Variants in PPP3CA observed in about 807,000 individuals in gnomAD.
PPP3CA encodes the protein protein phosphatase 3 catalytic subunit alpha.
In PPP3CA, 14 loss-of-function variants were observed where a neutral mutation model predicts 66.5. The ratio of observed to expected loss-of-function variants is 0.21; its 90% CI spans 0.14 to 0.33. The LOEUF is 0.33. PPP3CA is among the 10% of genes least tolerant of loss of function. The pLI, the probability that PPP3CA is intolerant of heterozygous loss-of-function variation, is 1.00. For synonymous variants in PPP3CA, 232 were observed against 226.2 expected, an observed-to-expected ratio of 1.03 and a Z score of -0.23; for missense variants, 317 against 639.5, an observed-to-expected ratio of 0.50 and a Z score of 5.44.
chr4:101,136,672 A>G (rs1004368623), intron 2 of PPP3CA, among the ~76,000 whole-genome samples: 1 of 151,850 alleles, frequency 6.6e-6, no homozygotes, highest in East Asian at 1.9e-4. Flanking sequence ...GCAAGAAAAT[A>G]TAACAGGCTT....
chr4:101,285,430 G>T (rs78052062), intron 1 of PPP3CA, among the ~76,000 whole-genome samples: 1,606 of 152,076 alleles, frequency 0.011, 27 homozygotes, highest in African/African-American at 0.037. Flanking sequence ...TATAACCCCT[G>T]TACATATCAA....
chr4:101,180,055 C>A (rs1007014221), intron 2 of PPP3CA, among the ~76,000 whole-genome samples: 3 of 152,082 alleles, frequency 2.0e-5, no homozygotes, highest in African/African-American at 7.2e-5. Context: ...TTAATGCACC[C>A]AAAGTTATAT....
intron 1 of PPP3CA, among the ~76,000 whole-genome samples, chr4:101,299,793 T>G (rs1183809438): frequency 2.0e-5 from 3 of 152,188 alleles, no homozygotes; most frequent in Non-Finnish European, 2.9e-5. Flanking sequence ...ATGTCTAACT[T>G]ATTTTCATCA....
rs550693326 is a variant in PPP3CA, at chr4:101,329,102, C to A, written c.58+17637G>T. 2.0e-5 allele frequency among the ~76,000 whole-genome samples: 3 copies of A among 152,204 alleles called. No homozygotes were observed. In the South Asian group the frequency reaches 6.2e-4, roughly 32 times the overall value. On this transcript the variant is annotated intron_variant, in intron 1 of 13. Coordinates refer to ENST00000394854, the MANE Select transcript of PPP3CA (RefSeq NM_000944.5). The stretch of plus-strand genomic sequence containing the variant: ...GGCATATCAAAAGTGGAGACAGGCC[C>A]AAAGCTAGGCCTCTTGCGCCAAACA...
intron 1 of PPP3CA, among the ~76,000 whole-genome samples, chr4:101,234,321 A>T (rs987815595): frequency 2.6e-5 from 4 of 151,814 alleles, no homozygotes; most frequent in African/African-American, 9.7e-5. Context: ...TGCTTTTCAC[A>T]ATAGCTGAAA....
intron 10 of PPP3CA, among the ~76,000 whole-genome samples, chr4:101,045,257 C>T (rs952085942): frequency 2.6e-5 from 4 of 152,138 alleles, no homozygotes; most frequent in Admixed American, 6.5e-5. Context: ...AACAATAGAC[C>T]GTGACAAATA....
At chr4:101,045,192 G>A (rs370782200) in intron 10 of PPP3CA, among the ~76,000 whole-genome samples, 1 of 152,206 alleles carries the variant, frequency 6.6e-6, no homozygotes, top group East Asian at 1.9e-4. Flanking sequence ...CCATGTGCTA[G>A]CAATAGAAAT....
At chr4:101,232,196 GGT>G (rs1473145011) in intron 1 of PPP3CA, among the ~76,000 whole-genome samples, 1 of 151,408 alleles carries the variant, frequency 6.6e-6, no homozygotes, top group African/African-American at 2.4e-5. Flanking sequence ...GGATACAGAG[GGT>G]AATTCCTAAA....
intron 1 of PPP3CA, among the ~76,000 whole-genome samples, chr4:101,207,595 G>A (rs1725173356): frequency 6.6e-6 from 1 of 152,214 alleles, no homozygotes; most frequent in Non-Finnish European, 1.5e-5. Flanking sequence ...GGGAGGCCGA[G>A]GTGGGCAGAT....
At chr4:101,269,014 T>A (rs1265540971) in intron 1 of PPP3CA, among the ~76,000 whole-genome samples, 1 of 152,174 alleles carries the variant, frequency 6.6e-6, no homozygotes, top group Non-Finnish European at 1.5e-5. Flanking sequence ...AATTCATTTA[T>A]CATGTCTAAT....
intron 2 of PPP3CA, among the ~76,000 whole-genome samples, chr4:101,129,975 C>A (rs577708902): frequency 5.9e-5 from 9 of 152,104 alleles, no homozygotes; most frequent in African/African-American, 1.7e-4. Context: ...CATGTTTTAA[C>A]CCAATGTAAG....
At chr4:101,299,256 T>C (rs963536176) in intron 1 of PPP3CA, among the ~76,000 whole-genome samples, 2 of 151,082 alleles carry the variant, frequency 1.3e-5, no homozygotes, top group Non-Finnish European at 3.0e-5. Context: ...TACAGCCCAT[T>C]AGAGTGTTCC....
chr4:101,345,039 G>C (rs553944016), intron 1 of PPP3CA, among the ~76,000 whole-genome samples: 20 of 152,116 alleles, frequency 1.3e-4, no homozygotes, highest in Admixed American at 7.9e-4. Context: ...AAATGTGAAT[G>C]GACTGTTTCC....
intron 1 of PPP3CA, among the ~76,000 whole-genome samples, chr4:101,222,041 A>C (rs1202281541): frequency 6.6e-6 from 1 of 151,564 alleles, no homozygotes; most frequent in Non-Finnish European, 1.5e-5. Context: ...TTTTCTTATT[A>C]CTTCTCATAA....
intron 1 of PPP3CA, among the ~76,000 whole-genome samples, chr4:101,291,521 T>C (rs760876732): frequency 4.6e-5 from 7 of 152,208 alleles, no homozygotes; most frequent in African/African-American, 1.2e-4. Context: ...CATATCTCCA[T>C]TGCTTTCACA....
Position 101,088,088 on chromosome 4 carries a change from T to C in PPP3CA, c.783-4825A>G, listed in dbSNP as rs534359184. Among the ~76,000 whole-genome samples the C allele has an allele frequency of 7.9e-5, 12 of 152,312 alleles. No homozygotes were observed. In the East Asian group the frequency reaches 2.3e-3, roughly 29 times the overall value. ...AACCTAATCCATTCCCCCTTGGGGT[T>C]AGGATTCCCAACACACTCACTCAGA... On this transcript the variant is annotated intron_variant, in intron 6 of 13. Coordinates refer to ENST00000394854, the MANE Select transcript of PPP3CA (RefSeq NM_000944.5).
At chr4:101,127,044 T>A (rs1722266661) in intron 2 of PPP3CA, among the ~76,000 whole-genome samples, 1 of 152,160 alleles carries the variant, frequency 6.6e-6, no homozygotes. Context: ...TTCTGCCCCT[T>A]ACACCCATCC....
chr4:101,035,994 C>T (rs944780876), intron 11 of PPP3CA, among the ~76,000 whole-genome samples: 2 of 152,036 alleles, frequency 1.3e-5, no homozygotes, highest in Non-Finnish European at 2.9e-5. Context: ...TATGTAGGCC[C>T]CAGTTACATG....
intron 10 of PPP3CA, among the ~76,000 whole-genome samples, chr4:101,041,403 T>A (rs1228503664): frequency 1.3e-5 from 2 of 151,146 alleles, no homozygotes; most frequent in Non-Finnish European, 2.9e-5. Context: ...TTGGAAGAAG[T>A]ATAAAACAGA....
Sources: gnomAD v4.1 joint callset for allele counts (sites outside exome capture counted in the v4.1 genomes callset) on GRCh38, gnomAD v4.1.1 for gene constraint, MANE v1.5 for transcripts, NCBI Gene and HGNC (gene_info 2026-07-23, HGNC 2026-07-21) for gene names.